SND1: variants seen among roughly 807,000 people sequenced by gnomAD.
SND1 encodes the protein staphylococcal nuclease domain-containing protein 1.
Under a neutral mutation model 121.7 loss-of-function variants are expected in SND1, and 38 were observed. That is an observed-to-expected ratio of 0.31 (90% CI 0.24 to 0.41). The LOEUF is 0.41. Ranked by LOEUF, SND1 falls within the 10% of genes least tolerant of loss-of-function variation. The pLI is 1.00. For missense variants in SND1, 868 were observed against 1,184.6 expected (o/e 0.73, Z 3.92); for synonymous variants, 401 against 447.4 (o/e 0.90, Z 1.31).
chr7:127,863,241 A>C (rs1799411088), intron 12 of SND1, among the ~76,000 whole-genome samples: 1 of 152,214 alleles, frequency 6.6e-6, no homozygotes, highest in Admixed American at 6.5e-5. Flanking sequence ...TTGCACAGCA[A>C]GTCCAGTATC....
intron 13 of SND1, among the ~76,000 whole-genome samples, chr7:127,891,857 T>C (rs1372201992): frequency 6.6e-6 from 1 of 152,140 alleles, no homozygotes; most frequent in African/African-American, 2.4e-5. Context: ...CCAAGCAAAA[T>C]TTCTTAAGGT....
chr7:127,849,185 T>A (rs1469345422), intron 12 of SND1, among the ~76,000 whole-genome samples: 1 of 152,228 alleles, frequency 6.6e-6, no homozygotes, highest in Non-Finnish European at 1.5e-5. Flanking sequence ...TAATTACTTT[T>A]TATTGTATTT....
At chr7:128,044,551 T>C (rs1422723220) in intron 16 of SND1, among the ~76,000 whole-genome samples, 1 of 152,046 alleles carries the variant, frequency 6.6e-6, no homozygotes, top group Non-Finnish European at 1.5e-5. Context: ...GAAATCATTG[T>C]TTTTACAATA....
intron 16 of SND1, among the ~76,000 whole-genome samples, chr7:128,070,803 G>A (rs544164277): frequency 7.2e-5 from 11 of 152,172 alleles, no homozygotes; most frequent in South Asian, 4.2e-4. Context: ...ATTATTCACC[G>A]GTTACATATT....
intron 15 of SND1, among the ~76,000 whole-genome samples, chr7:127,931,187 C>T (rs1186842801): frequency 2.6e-5 from 4 of 152,118 alleles, no homozygotes; most frequent in African/African-American, 9.7e-5. Context: ...AGGCTGAGCC[C>T]AGGAGTTGCA....
intron 16 of SND1, among the ~76,000 whole-genome samples, chr7:128,023,692 T>C (rs1303310689): frequency 2.6e-5 from 4 of 152,208 alleles, no homozygotes; most frequent in Non-Finnish European, 5.9e-5. Context: ...CCTTCTTCTC[T>C]GGAGTAGCAC....
At chr7:127,700,935 A>G (rs1796089412) in intron 4 of SND1, among the ~76,000 whole-genome samples, 1 of 152,196 alleles carries the variant, frequency 6.6e-6, no homozygotes, top group African/African-American at 2.4e-5. Context: ...AGATCGTCTC[A>G]TTAAATACTC....
chr7:127,667,697 G>A (rs1795444277), intron 1 of SND1, among the ~76,000 whole-genome samples: 1 of 152,154 alleles, frequency 6.6e-6, no homozygotes, highest in Non-Finnish European at 1.5e-5. Context: ...TTTAGACTAG[G>A]GCTGAGTCCA....
intron 14 of SND1, among the ~76,000 whole-genome samples, chr7:127,919,856 A>G (rs552719451): frequency 6.6e-6 from 1 of 152,328 alleles, no homozygotes; most frequent in Non-Finnish European, 1.5e-5. Context: ...TGTATTTGAT[A>G]TAAATTGGAT....
intron 11 of SND1, among the ~76,000 whole-genome samples, chr7:127,820,236 G>T (rs1433258985): frequency 1.3e-5 from 2 of 152,178 alleles, no homozygotes; most frequent in Non-Finnish European, 2.9e-5. Context: ...AGGGCTGGTG[G>T]TGGTTTCCTT....
rs1315698337 is a variant in SND1 at position 127,844,233 on chromosome 7, C to G, written c.1243-91C>G. On this transcript the variant is annotated intron_variant, in intron 11 of 23. Coordinates refer to ENST00000354725, the MANE Select transcript of SND1 (RefSeq NM_014390.4). ...ATTCAGAAAACCAAACTGGAGTGAGCTGATCTTTCACAGTTGAGCAGGCAC... is the reference window on the plus strand; with the variant it reads ...ATTCAGAAAACCAAACTGGAGTGAGGTGATCTTTCACAGTTGAGCAGGCAC... The G allele has an allele frequency of 6.6e-6, 6 of 902,536 alleles. No homozygotes were observed. In the East Asian group the frequency reaches 1.4e-4, roughly 21 times the overall value. 55.9% of individuals were successfully genotyped at this position (902,536 alleles called of 1,614,324 possible). A position where few individuals can be genotyped will look rare whatever the true frequency, so the allele number is the denominator to read the frequency against.
intron 16 of SND1, among the ~76,000 whole-genome samples, chr7:128,048,024 T>A (rs1792981095): frequency 6.6e-6 from 1 of 152,110 alleles, no homozygotes; most frequent in Admixed American, 6.5e-5. Flanking sequence ...ATTTTTGTAT[T>A]TTTGGTAGAG....
chr7:127,907,839 T>TA (rs1222257501), intron 14 of SND1, among the ~76,000 whole-genome samples: 1 of 152,184 alleles, frequency 6.6e-6, no homozygotes, highest in Non-Finnish European at 1.5e-5. Context: ...TCTTGCTGTT[T>TA]AAAAAATGAT....
intron 11 of SND1, among the ~76,000 whole-genome samples, chr7:127,816,230 C>T (rs551808049): frequency 1.3e-5 from 2 of 152,242 alleles, no homozygotes; most frequent in South Asian, 4.1e-4. Flanking sequence ...TATGACACAC[C>T]CTGGGAGAAA....
intron 12 of SND1, among the ~76,000 whole-genome samples, chr7:127,868,756 A>T (rs1799523501): frequency 6.6e-6 from 1 of 152,088 alleles, no homozygotes; most frequent in African/African-American, 2.4e-5. Flanking sequence ...TGTAAGTAAA[A>T]CTCAACCTCA....
At chr7:127,901,862 G>A (rs1193836177) in intron 13 of SND1, among the ~76,000 whole-genome samples, 1 of 152,230 alleles carries the variant, frequency 6.6e-6, no homozygotes, top group Middle Eastern at 3.4e-3. Flanking sequence ...ACACAAATAA[G>A]TATCTGATAA....
intron 21 of SND1, among the ~76,000 whole-genome samples, 163 bp downstream of exon 21, chr7:128,087,214 A>C (rs937760601): frequency 6.6e-6 from 1 of 152,220 alleles, no homozygotes; most frequent in African/African-American, 2.4e-5. Flanking sequence ...AGGAGGTAGT[A>C]TTAGAGCATT....
chr7:127,978,800 C>A (rs953729520), intron 15 of SND1, among the ~76,000 whole-genome samples: 10 of 152,152 alleles, frequency 6.6e-5, no homozygotes, highest in Non-Finnish European at 8.8e-5. Context: ...GATTCTCCTG[C>A]GTCAGCCTGC....
At chr7:128,005,829 G>C (rs1464374612) in intron 16 of SND1, among the ~76,000 whole-genome samples, 1 of 152,170 alleles carries the variant, frequency 6.6e-6, no homozygotes, top group Non-Finnish European at 1.5e-5. Flanking sequence ...CTCTCTAGCA[G>C]AGGCAATACG....
Sources: allele counts gnomAD v4.1 joint callset (sites outside exome capture counted in the v4.1 genomes callset), GRCh38; gene constraint gnomAD v4.1.1; transcripts MANE v1.5; gene names NCBI Gene and HGNC (gene_info 2026-07-23, HGNC 2026-07-21).